DLC1: variants seen among roughly 807,000 people sequenced by gnomAD.
DLC1 encodes the protein DLC1 Rho GTPase activating protein, also known as rho GTPase-activating protein 7.
In DLC1, 54 loss-of-function variants were observed where a neutral mutation model predicts 140.3. That is an observed-to-expected ratio of 0.38 (90% confidence interval 0.31 to 0.48). DLC1 has a LOEUF of 0.48. Ranked by LOEUF, DLC1 falls within the 20% of genes least tolerant of loss-of-function variation. The pLI is 0.96. For missense variants in DLC1, 2,536 were observed against 1,907.0 expected (o/e 1.33, Z -6.14); for synonymous variants, 986 against 728.1 (o/e 1.35, Z -5.70).
intron 1 of DLC1, among the ~76,000 whole-genome samples, chr8:13,554,348 G>A (rs1803969870): frequency 6.6e-6 from 1 of 152,132 alleles, no homozygotes; most frequent in East Asian, 1.9e-4. Flanking sequence ...TTACGCGCGT[G>A]AGCCACTGCA....
At chr8:13,313,505 A>C (rs913932079) in intron 4 of DLC1, among the ~76,000 whole-genome samples, 15 of 152,328 alleles carry the variant, frequency 9.8e-5, no homozygotes, top group Admixed American at 9.8e-4. Context: ...TAGTATCTAC[A>C]TCCTGGGGCT....
chr8:13,403,250 T>G (rs1353973789), intron 2 of DLC1, among the ~76,000 whole-genome samples: 1 of 152,212 alleles, frequency 6.6e-6, no homozygotes, highest in African/African-American at 2.4e-5. Context: ...AAACTATTCT[T>G]ATAAAGGGGT....
chr8:13,157,931 T>G (rs1824376870), intron 5 of DLC1, among the ~76,000 whole-genome samples: 1 of 152,250 alleles, frequency 6.6e-6, no homozygotes, highest in African/African-American at 2.4e-5. Flanking sequence ...CTCATTTAGT[T>G]TACTCACTAG....
At chr8:13,536,648 C>T (rs994231065) in intron 1 of DLC1, among the ~76,000 whole-genome samples, 1 of 152,138 alleles carries the variant, frequency 6.6e-6, no homozygotes, top group Admixed American at 6.6e-5. Context: ...GAGTTACTTT[C>T]CCCCTGGTCA....
rs538349790 is a variant in DLC1, at chr8:13,108,228, G to A, written c.1502+2514C>T. 2.4e-4 allele frequency among the ~76,000 whole-genome samples: 36 copies of A among 152,190 alleles called. 1 individual carries two copies. Among genetic ancestry groups the A allele is most frequent in the Admixed American group, 7.9e-4 (12 of 15,282 alleles). Reference sequence around the variant, plus strand: ...TACAAACCAGTTGATGACTATTACTGTGAACTCTGAAGAATTTCCTTTTTT... The same window carrying A: ...TACAAACCAGTTGATGACTATTACTATGAACTCTGAAGAATTTCCTTTTTT... On this transcript the variant is annotated intron_variant, in intron 7 of 17. Transcript: ENST00000276297.
intron 1 of DLC1, among the ~76,000 whole-genome samples, chr8:13,513,071 G>T (rs1802449800): frequency 6.6e-6 from 1 of 151,414 alleles, no homozygotes; most frequent in South Asian, 2.1e-4. Flanking sequence ...TATTATGGGA[G>T]GGCAGGATGA....
At chr8:13,199,177 C>CTTTT (rs71207132) in intron 5 of DLC1, among the ~76,000 whole-genome samples, 78 of 93,236 alleles carry the variant, frequency 8.4e-4, no homozygotes, top group Non-Finnish European at 1.1e-3. Context: ...TTCTCTTTTT[C>CTTTT]TTTTTTTTTT....
intron 5 of DLC1, among the ~76,000 whole-genome samples, chr8:13,149,334 G>A (rs572179264): frequency 6.6e-6 from 1 of 152,148 alleles, no homozygotes; most frequent in South Asian, 2.1e-4. Context: ...GGCAACTCTG[G>A]TGCCTCATTG....
intron 5 of DLC1, among the ~76,000 whole-genome samples, chr8:13,144,789 T>C (rs1456081844): frequency 1.3e-5 from 2 of 152,082 alleles, no homozygotes; most frequent in Non-Finnish European, 2.9e-5. Flanking sequence ...TAAAAATAAA[T>C]TCTCTCTCAT....
chr8:13,247,110 T>C (rs1407918369), intron 5 of DLC1, among the ~76,000 whole-genome samples: 1 of 152,216 alleles, frequency 6.6e-6, no homozygotes, highest in Non-Finnish European at 1.5e-5. Flanking sequence ...TTATAAGTAT[T>C]TAGTGCATGG....
chr8:13,244,673 C>T (rs1379690491), intron 5 of DLC1, among the ~76,000 whole-genome samples: 1 of 152,098 alleles, frequency 6.6e-6, no homozygotes, highest in African/African-American at 2.4e-5. Flanking sequence ...TGCTTTTATT[C>T]CTTCCACTTA....
chr8:13,334,228 G>A (rs1367210299), intron 4 of DLC1, among the ~76,000 whole-genome samples: 1 of 152,054 alleles, frequency 6.6e-6, no homozygotes, highest in East Asian at 1.9e-4. Context: ...AAGCAGGGGG[G>A]AGTTGCAGAT....
At chr8:13,536,337 A>C (rs1001901368) in intron 1 of DLC1, among the ~76,000 whole-genome samples, 1 of 152,212 alleles carries the variant, frequency 6.6e-6, no homozygotes, top group African/African-American at 2.4e-5. Context: ...CTAAGGTTAG[A>C]TAATCACAAG....
At chr8:13,390,074 T>C (rs1836682548) in intron 4 of DLC1, among the ~76,000 whole-genome samples, 2 of 152,176 alleles carry the variant, frequency 1.3e-5, no homozygotes, top group South Asian at 4.1e-4. Context: ...GGAGAAAGTA[T>C]CTGTTTAATC....
intron 4 of DLC1, among the ~76,000 whole-genome samples, chr8:13,336,007 T>C (rs1809802787): frequency 6.6e-6 from 1 of 152,162 alleles, no homozygotes; most frequent in Non-Finnish European, 1.5e-5. Context: ...CTATTTATTA[T>C]ATATTGTACT....
Position 13,100,254 on chromosome 8 carries a change from T to C in DLC1, c.2083A>G (p.Ser695Gly), listed in dbSNP as rs746678425. 7.4e-6 allele frequency: 12 copies of C among 1,614,042 alleles called. No homozygotes were observed. The highest frequency in any genetic ancestry group is 1.7e-5 in the Admixed American group (1 of 60,012). Residue 695 changes from serine to glycine, a missense_variant, in exon 9 of 18, where the codon AGC becomes GGC. By Grantham distance (56) the Ser-to-Gly change is moderately conservative. Transcript: ENST00000276297. The stretch of plus-strand genomic sequence containing the variant: ...ATCCCCTCTTGCAAGATGGGCCCGC[T>C]GATGATCAACCCCAGCTTTGAGGGC... The part of the protein sequence containing the change: ...KAPSKLGLII[S>G]GPILQEGMDE...
chr8:13,527,863 T>C (rs755361279), intron 1 of DLC1, among the ~76,000 whole-genome samples: 1 of 152,164 alleles, frequency 6.6e-6, no homozygotes, highest in Non-Finnish European at 1.5e-5. Context: ...CTAAGCAAAC[T>C]TATATTTTCT....
At chr8:13,176,218 C>T (rs924029422) in intron 5 of DLC1, among the ~76,000 whole-genome samples, 1 of 152,034 alleles carries the variant, frequency 6.6e-6, no homozygotes, top group African/African-American at 2.4e-5. Flanking sequence ...TCCATTTCCT[C>T]TAGGGAAAAG....
intron 5 of DLC1, among the ~76,000 whole-genome samples, chr8:13,153,192 C>T (rs1823968060): frequency 6.6e-6 from 1 of 152,102 alleles, no homozygotes; most frequent in Admixed American, 6.5e-5. Context: ...GGTGTTCTGA[C>T]GTGTTCAGGG....
Sources: allele counts gnomAD v4.1 joint callset (sites outside exome capture counted in the v4.1 genomes callset), GRCh38; gene constraint gnomAD v4.1.1; transcripts MANE v1.5; gene names NCBI Gene and HGNC (gene_info 2026-07-23, HGNC 2026-07-21).